Variants in TVP23A observed in about 807,000 individuals in gnomAD.
TVP23A encodes the protein Golgi apparatus membrane protein TVP23 homolog A.
A neutral mutation model predicts 31.7 loss-of-function variants in TVP23A; 21 were observed. That is an observed-to-expected ratio of 0.66 (90% CI 0.47 to 0.95). The LOEUF is 0.95. Ranked by LOEUF, TVP23A falls within the 40% of genes least tolerant of loss-of-function variation. The pLI is 0.00. For missense variants in TVP23A, 279 were observed against 255.6 expected (o/e 1.09, Z -0.62); for synonymous variants, 104 against 96.0 (o/e 1.08, Z -0.49).
intron 2 of TVP23A, among the ~76,000 whole-genome samples, chr16:10,814,635 C>T (rs185432440): frequency 1.1e-4 from 17 of 152,078 alleles, no homozygotes; most frequent in Admixed American, 9.2e-4. Flanking sequence ...CCATGGTGAC[C>T]GAACTCTGGA....
chr16:10,782,229 C>T (rs144732113), intron 2 of TVP23A, among the ~76,000 whole-genome samples: 2,005 of 152,178 alleles, frequency 0.013, 28 homozygotes, highest in African/African-American at 0.046. Flanking sequence ...CACAAGTGAA[C>T]TCACTGCAAC....
At chr16:10,801,303 C>CTTGGCAGAGTATG (rs1260113822) in intron 2 of TVP23A, among the ~76,000 whole-genome samples, 1 of 152,180 alleles carries the variant, frequency 6.6e-6, no homozygotes, top group Non-Finnish European at 1.5e-5. Flanking sequence ...AGAAGCATAA[C>CTTGGCAGAGTATG]CTGGATATAA....
At chr16:10,769,232 C>T (rs966896387) in intron 7 of TVP23A, 131 bp from the exon 8 acceptor site, 15 of 721,630 alleles carry the variant, frequency 2.1e-5, no homozygotes, top group Non-Finnish European at 3.1e-5. Context: ...TGGTGTGGTC[C>T]GAAGCCACTT....
intron 2 of TVP23A, among the ~76,000 whole-genome samples, chr16:10,784,086 G>C (rs2032587870): frequency 6.6e-6 from 1 of 152,106 alleles, no homozygotes; most frequent in South Asian, 2.1e-4. Flanking sequence ...TACAATCCCA[G>C]CACTTTGGGA....
intron 2 of TVP23A, among the ~76,000 whole-genome samples, chr16:10,816,093 T>G (rs2034423377): frequency 6.6e-6 from 1 of 151,976 alleles, no homozygotes. Flanking sequence ...CCTGGCATGG[T>G]GGCAACACCT....
At chr16:10,782,675 A>T (rs1406557451) in intron 2 of TVP23A, among the ~76,000 whole-genome samples, 3 of 151,914 alleles carry the variant, frequency 2.0e-5, no homozygotes, top group Non-Finnish European at 4.4e-5. Context: ...GCTAATTTTT[A>T]AAATTTTTTG....
intron 2 of TVP23A, among the ~76,000 whole-genome samples, chr16:10,782,385 C>G (rs2142947263): frequency 6.6e-6 from 1 of 152,336 alleles, no homozygotes; most frequent in East Asian, 1.9e-4. Flanking sequence ...TACTTCCACA[C>G]TTGCCTGTCT....
Position 10,818,566 on chromosome 16 carries a change from A to G in TVP23A, c.-73T>C. 6.4e-7 allele frequency: 1 copy of G among 1,551,772 alleles called. No individual in the cohort carries two copies. The highest frequency in any genetic ancestry group is 8.7e-7 in the Non-Finnish European group (1 of 1,155,800). On this transcript the variant is annotated 5_prime_UTR_variant, in exon 1 of 8. Transcript: ENST00000299866. The surrounding 1 kb of genome is among the most constrained non-coding windows in gnomAD (Gnocchi z 4.7). Reference sequence around the variant, plus strand: ...CGCCCGTCGCCGCTGAAGGGGTCGGACGCCGGGCGGGCGGATGTAGGCAGC... The same window carrying G: ...CGCCCGTCGCCGCTGAAGGGGTCGGGCGCCGGGCGGGCGGATGTAGGCAGC...
chr16:10,765,043 C>T (rs969045878), downstream of TVP23A: 10 of 156,686 alleles, frequency 6.4e-5, no homozygotes, highest in African/African-American at 1.7e-4. This position sits in a 1 kb window ranked among gnomAD's most constrained non-coding sequence, Gnocchi z 4.0. Context: ...GTGCCATGCT[C>T]GTCTCAGTCA....
intron 2 of TVP23A, among the ~76,000 whole-genome samples, chr16:10,813,638 A>G (rs1445242655): frequency 6.6e-6 from 1 of 152,186 alleles, no homozygotes; most frequent in African/African-American, 2.4e-5. Flanking sequence ...AAAACAACAC[A>G]CATATGAAAC....
intron 2 of TVP23A, among the ~76,000 whole-genome samples, chr16:10,785,169 C>A (rs571024226): frequency 1.3e-5 from 2 of 151,412 alleles, no homozygotes; most frequent in East Asian, 3.9e-4. Context: ...CTTTGGGAGG[C>A]CAAGGCGGGT....
At chr16:10,812,621 C>T (rs973129898) in intron 2 of TVP23A, among the ~76,000 whole-genome samples, 1 of 152,078 alleles carries the variant, frequency 6.6e-6, no homozygotes, top group Non-Finnish European at 1.5e-5. Flanking sequence ...AACTTGAGGA[C>T]GTTATGCTAA....
rs547314755 is a variant in TVP23A, at chr16:10,774,888, A to C, written c.234+64T>G. ...AGTCTAAACCAAAGTACCTCTTGGTACCACGCACACAGGGGACAAGCCTCG... is the reference window on the plus strand; with the variant it reads ...AGTCTAAACCAAAGTACCTCTTGGTCCCACGCACACAGGGGACAAGCCTCG... On this transcript the variant is annotated intron_variant, in intron 3 of 7. Transcript: ENST00000299866. 8 of 1,465,572 alleles carry C rather than the reference A, an allele frequency of 5.5e-6. No individual in the cohort carries two copies. The African/African-American group carries it at 1.1e-4, about 20-fold the overall frequency. 90.8% of individuals were successfully genotyped at this position (1,465,572 alleles called of 1,614,324 possible). A position where few individuals can be genotyped will look rare whatever the true frequency, so the allele number is the denominator to read the frequency against.
chr16:10,804,804 GA>G (rs1311615295), intron 2 of TVP23A, among the ~76,000 whole-genome samples: 1 of 152,174 alleles, frequency 6.6e-6, no homozygotes, highest in Admixed American at 6.6e-5. Flanking sequence ...TTAGTGAAGT[GA>G]AATTCACAAC....
At position 10,768,954 on chromosome 16, in the gene TVP23A, C is replaced by A; in HGVS notation, c.*148G>T. On this transcript the variant is annotated 3_prime_UTR_variant, in exon 8 of 8. Transcript: ENST00000299866. This position sits in a 1 kb window ranked among gnomAD's most constrained non-coding sequence, Gnocchi z 4.3. ...TATGGAACTAGCCAGAGGATTCCAC[C>A]CCTGTCAAAACACAGCCCTCCCCAG... 9.0e-7 allele frequency: 1 copy of A among 1,111,098 alleles called. No individual in the cohort carries two copies. The highest frequency in any genetic ancestry group is 1.4e-6 in the Non-Finnish European group (1 of 734,850). The allele number at this position is 1,111,098 out of a possible 1,614,324, so 68.8% of individuals were successfully genotyped here.
At chr16:10,801,987 T>A (rs943487519) in intron 2 of TVP23A, among the ~76,000 whole-genome samples, 1 of 151,992 alleles carries the variant, frequency 6.6e-6, no homozygotes, top group Admixed American at 6.6e-5. Context: ...TATAGCAAGA[T>A]CTTGTTTCTA....
At chr16:10,803,268 T>TGTGTGTGTGC (rs1555485955) in intron 2 of TVP23A, among the ~76,000 whole-genome samples, 3 of 151,302 alleles carry the variant, frequency 2.0e-5, no homozygotes, top group Admixed American at 1.3e-4. Flanking sequence ...TGTGTGTGTG[T>TGTGTGTGTGC]GTGTGTGTGT....
chr16:10,790,581 G>T (rs570379747), intron 2 of TVP23A, among the ~76,000 whole-genome samples: 1 of 152,032 alleles, frequency 6.6e-6, no homozygotes. Flanking sequence ...CACTGCGCCC[G>T]ACCATCTTGG....
At chr16:10,769,167 A>C (rs1399001019) in intron 7 of TVP23A, 66 bp from the exon 8 acceptor site, 12 of 1,517,866 alleles carry the variant, frequency 7.9e-6, no homozygotes, top group Non-Finnish European at 1.0e-5. Flanking sequence ...CAGCACATCC[A>C]GCCAGACCCG....
Sources: allele counts gnomAD v4.1 joint callset (sites outside exome capture counted in the v4.1 genomes callset), GRCh38; gene constraint gnomAD v4.1.1; non-coding constraint Gnocchi (gnomAD v3.1); transcripts MANE v1.5; gene names NCBI Gene and HGNC (gene_info 2026-07-23, HGNC 2026-07-21).